CSMD1: variants seen among roughly 807,000 people sequenced by gnomAD.
The protein encoded by CSMD1 is CUB and Sushi multiple domains 1.
Under a neutral mutation model 417.5 loss-of-function variants are expected in CSMD1, and 213 were observed. That is an observed-to-expected ratio of 0.51 (90% confidence interval 0.46 to 0.57). The LOEUF (loss-of-function observed/expected upper bound fraction) is 0.57, where lower values mean the gene tolerates loss of function less well. Ranked by LOEUF, CSMD1 falls within the 20% of genes least tolerant of loss-of-function variation. The probability of loss-of-function intolerance (pLI) is 0.00; values close to 1 mark genes in which losing one functional copy is unlikely to be tolerated. For synonymous variants in CSMD1, 2,862 were observed against 1,736.8 expected, an observed-to-expected ratio of 1.65 and a Z score of -16.11; for missense variants, 6,923 against 4,529.7, an observed-to-expected ratio of 1.53 and a Z score of -15.17.
chr8:4,447,898 A>C (rs1798907582), intron 2 of CSMD1, among the ~76,000 whole-genome samples: 1 of 152,178 alleles, frequency 6.6e-6, no homozygotes, highest in Non-Finnish European at 1.5e-5. Context: ...TTATTGTTCG[A>C]TTACTCATCT....
intron 5 of CSMD1, among the ~76,000 whole-genome samples, chr8:3,821,510 C>T (rs749320307): frequency 6.1e-5 from 6 of 99,042 alleles, no homozygotes; most frequent in East Asian, 2.1e-4. Context: ...GAGCTGGGTG[C>T]GGTGGCTCAC....
intron 49 of CSMD1, among the ~76,000 whole-genome samples, chr8:3,076,074 A>G (rs1813659576): frequency 6.8e-6 from 1 of 146,104 alleles, no homozygotes. Flanking sequence ...AAAAAAAAAG[A>G]CGTTGTCACT....
intron 3 of CSMD1, among the ~76,000 whole-genome samples, chr8:4,366,383 A>G (rs574616448): frequency 2.6e-5 from 4 of 152,328 alleles, no homozygotes; most frequent in East Asian, 1.9e-4. Context: ...TAGCACTGCA[A>G]TGAACATATG....
intron 2 of CSMD1, among the ~76,000 whole-genome samples, chr8:4,504,672 C>A (rs1263281533): frequency 6.6e-6 from 1 of 152,102 alleles, no homozygotes; most frequent in Non-Finnish European, 1.5e-5. Flanking sequence ...GTGATGTTCC[C>A]CTCCCTGTAT....
At chr8:3,685,305 G>C (rs1403255357) in intron 7 of CSMD1, among the ~76,000 whole-genome samples, 2 of 152,116 alleles carry the variant, frequency 1.3e-5, no homozygotes, top group Non-Finnish European at 2.9e-5. Context: ...CGGCAGTCTA[G>C]TTGTCTTTCC....
At chr8:4,179,533 C>A (rs960096896) in intron 3 of CSMD1, among the ~76,000 whole-genome samples, 3 of 150,426 alleles carry the variant, frequency 2.0e-5, no homozygotes, top group Non-Finnish European at 4.4e-5. Context: ...GACTTCATGT[C>A]TAAAACACCA....
At chr8:3,205,710 G>T (rs1475669506) in intron 30 of CSMD1, 90 bp from the exon 31 acceptor site, 1 of 538,146 alleles carries the variant, frequency 1.9e-6, no homozygotes, top group African/African-American at 2.0e-5. Context: ...AAACACGTGA[G>T]CACGTTTATT....
chr8:3,526,595 G>C (rs563152970), intron 10 of CSMD1, among the ~76,000 whole-genome samples: 54 of 152,284 alleles, frequency 3.5e-4, no homozygotes, highest in African/African-American at 1.2e-3. Flanking sequence ...CTAGGGCAAT[G>C]TGTGATCCTA....
intron 3 of CSMD1, among the ~76,000 whole-genome samples, chr8:4,160,911 G>C (rs749867288): frequency 2.6e-5 from 4 of 152,138 alleles, no homozygotes; most frequent in Non-Finnish European, 5.9e-5. Context: ...TGAACAAGTG[G>C]TTTAATATTA....
intron 3 of CSMD1, among the ~76,000 whole-genome samples, chr8:4,061,466 C>G (rs1363775675): frequency 1.3e-5 from 2 of 152,056 alleles, no homozygotes; most frequent in Non-Finnish European, 2.9e-5. Context: ...GATAAGAAAC[C>G]AAAGAGGTGG....
chr8:3,387,598 G>C lies in CSMD1; in HGVS notation c.2678C>G (p.Ser893Cys). 1 of 1,601,426 alleles carries C rather than the reference G, an allele frequency of 6.2e-7. No homozygotes were observed. Among genetic ancestry groups the C allele is most frequent in the Non-Finnish European group, 8.5e-7 (1 of 1,173,972 alleles). The stretch of plus-strand genomic sequence containing the variant: ...CGGGTCACAGCTGAAAGTCACTGTG[G>C]ACCTGATGCCAAAGTCTCCACCGTG... ...HRHGGDFGIR[S>C]TVTFSCDPGY... The change falls in exon 18 of 70, where the codon TCC (serine) becomes TGC (cysteine). Residue 893 changes from serine to cysteine, a missense_variant. Physicochemically the swap from Ser to Cys is moderately radical, Grantham distance 112 (BLOSUM62 -1). Transcript: ENST00000635120.
intron 41 of CSMD1, among the ~76,000 whole-genome samples, chr8:3,136,109 A>G (rs1225590087): frequency 2.0e-5 from 3 of 152,108 alleles, no homozygotes; most frequent in Non-Finnish European, 4.4e-5. Flanking sequence ...CCCCTCATGC[A>G]TTACATCTAG....
At chr8:3,295,366 T>A (rs901454405) in intron 25 of CSMD1, among the ~76,000 whole-genome samples, 24 of 152,216 alleles carry the variant, frequency 1.6e-4, no homozygotes, top group Middle Eastern at 3.4e-3. Flanking sequence ...GACCTTGTGA[T>A]CCACCCGCCT....
At chr8:3,993,120 G>A (rs550471913) in intron 5 of CSMD1, among the ~76,000 whole-genome samples, 1 of 152,232 alleles carries the variant, frequency 6.6e-6, no homozygotes, top group South Asian at 2.1e-4. Flanking sequence ...GATGCTACAT[G>A]AATTTCTTGG....
chr8:4,916,971 G>T, intron 1 of CSMD1, among the ~76,000 whole-genome samples: 1 of 152,292 alleles, frequency 6.6e-6, no homozygotes, highest in Non-Finnish European at 1.5e-5. Context: ...GGTGTACAGG[G>T]TTCAGTAGGT....
At chr8:3,828,343 T>G (rs1024065857) in intron 5 of CSMD1, among the ~76,000 whole-genome samples, 13 of 152,206 alleles carry the variant, frequency 8.5e-5, no homozygotes, top group Non-Finnish European at 1.6e-4. Flanking sequence ...GAATCTATAA[T>G]TAAGAATCTG....
At chr8:3,903,866 T>G (rs566050065) in intron 5 of CSMD1, among the ~76,000 whole-genome samples, 1 of 151,578 alleles carries the variant, frequency 6.6e-6, no homozygotes, top group Non-Finnish European at 1.5e-5. Flanking sequence ...AGGGAGTCAT[T>G]GCCATATATA....
At chr8:4,799,817 T>C (rs967603801) in intron 1 of CSMD1, among the ~76,000 whole-genome samples, 1 of 151,918 alleles carries the variant, frequency 6.6e-6, no homozygotes, top group African/African-American at 2.4e-5. Flanking sequence ...TGCAAAGAGA[T>C]AAGTATTAGA....
At chr8:3,472,304 A>T (rs1817152127) in intron 11 of CSMD1, among the ~76,000 whole-genome samples, 1 of 152,026 alleles carries the variant, frequency 6.6e-6, no homozygotes, top group Non-Finnish European at 1.5e-5. Flanking sequence ...TGCTGACCAC[A>T]CTGCAACATC....
Sources: allele counts gnomAD v4.1 joint callset (sites outside exome capture counted in the v4.1 genomes callset), GRCh38; gene constraint gnomAD v4.1.1; transcripts MANE v1.5; gene names NCBI Gene and HGNC (gene_info 2026-07-23, HGNC 2026-07-21).